The following PPARA variants were observed in gnomAD, a reference collection of about 807,000 sequenced individuals.
The protein encoded by PPARA is peroxisome proliferator activated receptor alpha.
A neutral mutation model predicts 42.2 loss-of-function variants in PPARA; 22 were observed. The ratio of observed to expected loss-of-function variants is 0.52; its 90% CI spans 0.37 to 0.74. PPARA has a LOEUF of 0.74. Among genes scored for constraint, PPARA ranks in the 30% least tolerant of loss-of-function variants. PPARA has a pLI of 0.00. For missense variants in PPARA, 465 were observed against 608.2 expected (o/e 0.76, Z 2.48); for synonymous variants, 242 against 239.3 (o/e 1.01, Z -0.10).
intron 3 of PPARA, among the ~76,000 whole-genome samples, chr22:46,181,915 A>T (rs949978530): frequency 6.6e-6 from 1 of 152,168 alleles, no homozygotes; most frequent in Non-Finnish European, 1.5e-5. Flanking sequence ...ATTAGGAAAG[A>T]CCTGTTCTAC....
In PPARA at chr22:46,233,832, T is replaced by A. The variant is rs554838426; in HGVS notation, c.1160-1301T>A. ...TATTTTTCAAAAGATTCCTCCTTTTTTTTTTTTTTGAGACAGAGTCTCCGT... is the reference window on the plus strand; with the variant it reads ...TATTTTTCAAAAGATTCCTCCTTTTATTTTTTTTTGAGACAGAGTCTCCGT... On this transcript the variant is annotated intron_variant, in intron 8 of 8. Coordinates refer to ENST00000407236, the MANE Select transcript of PPARA (RefSeq NM_005036.6). This position sits in a 1 kb window ranked among gnomAD's most constrained non-coding sequence, Gnocchi z 7.3. Among the ~76,000 whole-genome samples, 1 of 152,132 alleles carries A rather than the reference T, an allele frequency of 6.6e-6. No individual in the cohort carries two copies. The highest frequency in any genetic ancestry group is 2.1e-4 in the South Asian group (1 of 4,806).
intron 2 of PPARA, among the ~76,000 whole-genome samples, chr22:46,157,370 G>T (rs1054340835): frequency 1.3e-5 from 2 of 152,114 alleles, no homozygotes; most frequent in African/African-American, 4.8e-5. Context: ...ATGATGGCCC[G>T]CTCCATCCCA....
chr22:46,235,236 T>C lies in PPARA; in HGVS notation c.1263T>C (p.Phe421=), dbSNP rs1936143069. The change falls in exon 9 of 9, where the codon TTT becomes TTC. Residue 421 remains phenylalanine, a synonymous_variant. Coordinates refer to ENST00000407236, the MANE Select transcript of PPARA (RefSeq NM_005036.6). The surrounding 1 kb of genome is among the most constrained non-coding windows in gnomAD (Gnocchi z 7.0). ...AGAGCAACCACCCGGACGATATCTT[T>C]CTCTTCCCAAAACTTCTTCAAAAAA... The part of the protein sequence containing the change: ...HLQSNHPDDI[F]LFPKLLQKMA... 1.2e-6 allele frequency: 2 copies of C among 1,614,072 alleles called. No homozygotes were observed. The highest frequency in any genetic ancestry group is 1.7e-5 in the Admixed American group (1 of 60,008).
chr22:46,214,241 C>T (rs553795481), intron 4 of PPARA, among the ~76,000 whole-genome samples: 6 of 152,258 alleles, frequency 3.9e-5, no homozygotes, highest in Non-Finnish European at 5.9e-5. Context: ...TATGGCAAGG[C>T]GCGGGCCCAT....
intron 7 of PPARA, among the ~76,000 whole-genome samples, chr22:46,223,435 G>A (rs1935151774): frequency 6.6e-6 from 1 of 152,096 alleles, no homozygotes. Context: ...CTGAGGTCAG[G>A]AGTTGGAGAC....
At chr22:46,214,690 G>T (rs1360019787) in intron 4 of PPARA, among the ~76,000 whole-genome samples, 1 of 151,046 alleles carries the variant, frequency 6.6e-6, no homozygotes, top group African/African-American at 2.4e-5. Context: ...CCGGAGATGC[G>T]TGGGTCCAGA....
rs4253780 is a variant in PPARA at position 46,235,790 on chromosome 22, T to G, written c.*410T>G. ...TGTGCTCCTTTATAATTCTGAAAACTAATCAGCACTTTTTAACAATGTTTA... is the reference window on the plus strand; with the variant it reads ...TGTGCTCCTTTATAATTCTGAAAACGAATCAGCACTTTTTAACAATGTTTA... On this transcript the variant is annotated 3_prime_UTR_variant, in exon 9 of 9. Coordinates refer to ENST00000407236, the MANE Select transcript of PPARA (RefSeq NM_005036.6). The surrounding 1 kb of genome is among the most constrained non-coding windows in gnomAD (Gnocchi z 7.0). The G allele has an allele frequency of 7.2e-6, 2 of 278,806 alleles. No homozygotes were observed. Among genetic ancestry groups the G allele is most frequent in the Non-Finnish European group, 1.4e-5 (2 of 142,244 alleles). 17.3% of individuals were successfully genotyped at this position (278,806 alleles called of 1,614,324 possible).
chr22:46,231,159 C>T lies in PPARA; in HGVS notation c.712-633C>T, dbSNP rs1039525186. Among the ~76,000 whole-genome samples the T allele has an allele frequency of 3.2e-4, 49 of 152,036 alleles. 1 individual carries two copies. The highest frequency in any genetic ancestry group is 7.2e-4 in the Admixed American group (11 of 15,266). On this transcript the variant is annotated intron_variant, in intron 7 of 8. Transcript: ENST00000407236. This position sits in a 1 kb window ranked among gnomAD's most constrained non-coding sequence, Gnocchi z 7.7. ...GCAACGTCCACCTCCCAGGTTCAAG[C>T]GATTCTCCTGCCTCAGCCTCCCGAG...
Position 46,222,178 on chromosome 22 carries a change from G to A in PPARA, c.711+2164G>A, listed in dbSNP as rs1935058078. Among the ~76,000 whole-genome samples the A allele has an allele frequency of 6.6e-6, 1 of 152,026 alleles. No homozygotes were observed. Among genetic ancestry groups the A allele is most frequent in the Non-Finnish European group, 1.5e-5 (1 of 68,010 alleles). Reference sequence around the variant, plus strand: ...AGAGGCAGCCAAATTGCCCCTCATGGTTCGTCCCCCACATCCCCGCCTGCC... The same window carrying A: ...AGAGGCAGCCAAATTGCCCCTCATGATTCGTCCCCCACATCCCCGCCTGCC... On this transcript the variant is annotated intron_variant, in intron 7 of 8. Transcript: ENST00000407236. The surrounding 1 kb of genome is among the most constrained non-coding windows in gnomAD (Gnocchi z 5.9).
Position 46,188,071 on chromosome 22 carries a change from C to G in PPARA, c.-42-10271C>G, listed in dbSNP as rs150515653. On this transcript the variant is annotated intron_variant, in intron 3 of 8. Coordinates refer to ENST00000407236, the MANE Select transcript of PPARA (RefSeq NM_005036.6). This position sits in a 1 kb window ranked among gnomAD's most constrained non-coding sequence, Gnocchi z 5.0. ...CTGGCACCAGCTACCAGGCATGTGA[C>G]TGAGGCCATCCAGCCATAGCTGAGC... 8.0e-4 allele frequency among the ~76,000 whole-genome samples: 122 copies of G among 152,362 alleles called. No individual in the cohort carries two copies. The highest frequency in any genetic ancestry group is 2.9e-3 in the African/African-American group (119 of 41,592).
In PPARA at chr22:46,173,603, G is replaced by A. The variant is rs148889127; in HGVS notation, c.-126-3150G>A. ...ATCATAAAAGACAAAGAAAAGCTGC[G>A]GAAATGTTTCAGATTAAAAGAGAGA... is the stretch of plus-strand genomic sequence containing the variant. On this transcript the variant is annotated intron_variant, in intron 2 of 8. Transcript: ENST00000407236. The surrounding 1 kb of genome is among the most constrained non-coding windows in gnomAD (Gnocchi z 4.3). Among the ~76,000 whole-genome samples, 3 of 152,182 alleles carry A rather than the reference G, an allele frequency of 2.0e-5. No individual in the cohort carries two copies. Among genetic ancestry groups the A allele is most frequent in the African/African-American group, 4.8e-5 (2 of 41,516 alleles).
intron 7 of PPARA, among the ~76,000 whole-genome samples, chr22:46,229,898 T>C (rs1324504815): frequency 6.6e-6 from 1 of 152,230 alleles, no homozygotes; most frequent in Non-Finnish European, 1.5e-5. Flanking sequence ...GTGATGGTTA[T>C]CGGCACCTCC....
rs568892799 is a variant in PPARA, at chr22:46,233,827, C to CTT, written c.1160-1293_1160-1292dup. 9.1e-5 allele frequency among the ~76,000 whole-genome samples: 13 copies of CTT among 142,922 alleles called. No individual in the cohort carries two copies. The highest frequency in any genetic ancestry group is 1.8e-4 in the African/African-American group (7 of 39,128). 93.8% of individuals were successfully genotyped at this position (142,922 alleles called of 152,430 possible). On this transcript the variant is annotated intron_variant, in intron 8 of 8. Coordinates refer to ENST00000407236, the MANE Select transcript of PPARA (RefSeq NM_005036.6). This position sits in a 1 kb window ranked among gnomAD's most constrained non-coding sequence, Gnocchi z 7.3. Reference sequence around the variant, plus strand: ...ATTTCTATTTTTCAAAAGATTCCTCCTTTTTTTTTTTTTTGAGACAGAGTC... The same window carrying CTT: ...ATTTCTATTTTTCAAAAGATTCCTCCTTTTTTTTTTTTTTTTGAGACAGAGTC...
In PPARA at chr22:46,201,414, G is replaced by C. The variant is rs369950863; in HGVS notation, c.208+2823G>C. ...AAGTTTTGACTCCCTTTCTCCTGGC[G>C]CGTTAAGCAGAGGATAAGCGCTGTG... On this transcript the variant is annotated intron_variant, in intron 4 of 8. Transcript: ENST00000407236. Among the ~76,000 whole-genome samples the C allele has an allele frequency of 4.2e-4, 64 of 152,246 alleles. 1 individual carries two copies. The South Asian group carries it at 0.013, about 31-fold the overall frequency.
rs1011648590 is a variant in PPARA at position 46,233,471 on chromosome 22, C to T, written c.1159+1232C>T. Among the ~76,000 whole-genome samples the T allele has an allele frequency of 4.6e-5, 7 of 152,204 alleles. No homozygotes were observed. Among genetic ancestry groups the T allele is most frequent in the African/African-American group, 1.7e-4 (7 of 41,442 alleles). On this transcript the variant is annotated intron_variant, in intron 8 of 8. Transcript: ENST00000407236. This position sits in a 1 kb window ranked among gnomAD's most constrained non-coding sequence, Gnocchi z 7.3. ...TCCCACACTGCCTGCAGCCATACTGCGCCTGGGGGATTGACTCACTGTCAG... is the reference window on the plus strand; with the variant it reads ...TCCCACACTGCCTGCAGCCATACTGTGCCTGGGGGATTGACTCACTGTCAG...
At chr22:46,198,665 T>TTC (rs1932635450) in intron 4 of PPARA, 74 bp downstream of exon 4, 119 of 1,394,350 alleles carry the variant, frequency 8.5e-5, no homozygotes, top group Non-Finnish European at 1.1e-4. Flanking sequence ...TCTCTTTTTT[T>TTC]TTTTTTTTTT....
chr22:46,198,296 AC>A, intron 3 of PPARA, 45 bp from the exon 4 acceptor site: 1 of 903,522 alleles, frequency 1.1e-6, no homozygotes, highest in Non-Finnish European at 1.7e-6. Flanking sequence ...AAACAAGTGA[AC>A]GTTGTTATAC....
chr22:46,152,297 C>T (rs1004255607), intron 2 of PPARA, among the ~76,000 whole-genome samples: 19 of 152,012 alleles, frequency 1.2e-4, no homozygotes, highest in Admixed American at 3.3e-4. Flanking sequence ...TGCCACCATG[C>T]CCAGCTAATT....
intron 2 of PPARA, among the ~76,000 whole-genome samples, chr22:46,174,254 G>GA (rs1928625667): frequency 2.0e-5 from 3 of 147,182 alleles, no homozygotes; most frequent in African/African-American, 5.0e-5. Flanking sequence ...AAGAAAGAAG[G>GA]AAGGAAGGAA....
Sources: gnomAD v4.1 joint callset for allele counts (sites outside exome capture counted in the v4.1 genomes callset) on GRCh38, gnomAD v4.1.1 for gene constraint, Gnocchi (gnomAD v3.1) non-coding constraint, MANE v1.5 for transcripts, NCBI Gene and HGNC (gene_info 2026-07-23, HGNC 2026-07-21) for gene names.